Variants in STAU2 observed in about 807,000 individuals in gnomAD.
STAU2 encodes the protein staufen double-stranded RNA binding protein 2.
Under a neutral mutation model 65.9 loss-of-function variants are expected in STAU2, and 20 were observed. The observed-to-expected ratio is 0.30, with a 90% confidence interval of 0.21 to 0.44. The LOEUF (loss-of-function observed/expected upper bound fraction) is 0.44, where lower values mean the gene tolerates loss of function less well. Ranked by LOEUF, STAU2 falls within the 20% of genes least tolerant of loss-of-function variation. STAU2 has a pLI of 1.00. For missense variants in STAU2, 558 were observed against 683.9 expected, an observed-to-expected ratio of 0.82 and a Z score of 2.05; for synonymous variants, 232 against 233.9, an observed-to-expected ratio of 0.99 and a Z score of 0.07.
chr8:73,713,271 G>A (rs1467731523), intron 3 of STAU2, among the ~76,000 whole-genome samples: 1 of 152,180 alleles, frequency 6.6e-6, no homozygotes, highest in South Asian at 2.1e-4. Flanking sequence ...CTGGACTCTG[G>A]AATTTGAATC....
chr8:73,563,638 A>G (rs2128950621), intron 12 of STAU2, among the ~76,000 whole-genome samples: 1 of 152,286 alleles, frequency 6.6e-6, no homozygotes, highest in African/African-American at 2.4e-5. Context: ...TTACAACTGC[A>G]TGTGCATCTA....
intron 13 of STAU2, among the ~76,000 whole-genome samples, chr8:73,521,674 G>T (rs1823049831): frequency 6.6e-6 from 1 of 152,196 alleles, no homozygotes; most frequent in African/African-American, 2.4e-5. Context: ...CTCTTGAGAT[G>T]CTGGGTGGCA....
At chr8:73,698,819 T>TA (rs199825274) in intron 4 of STAU2, among the ~76,000 whole-genome samples, 1,560 of 151,448 alleles carry the variant, frequency 0.01, 25 homozygotes, top group African/African-American at 0.035. Context: ...AGTAGATATT[T>TA]ACACATTTCA....
intron 1 of STAU2, among the ~76,000 whole-genome samples, chr8:73,743,296 A>T (rs987812602): frequency 3.3e-5 from 5 of 151,238 alleles, no homozygotes; most frequent in Non-Finnish European, 5.9e-5. Flanking sequence ...CCATTTTTAC[A>T]TCAACTCATT....
intron 3 of STAU2, among the ~76,000 whole-genome samples, chr8:73,725,875 G>A (rs1207818595): frequency 2.0e-5 from 3 of 152,196 alleles, no homozygotes; most frequent in East Asian, 3.9e-4. Flanking sequence ...CGAGGCTGCA[G>A]TGAGCCATCA....
chr8:73,687,341 TATTTATAATTTATATAATATAAATATA>T (rs1298132001), intron 5 of STAU2, among the ~76,000 whole-genome samples: 11 of 89,408 alleles, frequency 1.2e-4, no homozygotes, highest in Admixed American at 6.5e-4. Flanking sequence ...ATATAATTTA[TATTTATAATTTATATAATATAAATATA>T]ATTTATAATT....
At chr8:73,543,436 A>C (rs552320280) in intron 13 of STAU2, among the ~76,000 whole-genome samples, 25 of 152,344 alleles carry the variant, frequency 1.6e-4, no homozygotes, top group African/African-American at 5.8e-4. Flanking sequence ...GTTGATTAAA[A>C]CACTTAAGTG....
At chr8:73,637,477 T>TAAAAAAAAAAAAAAAAAAAAAAAAA (rs60833468) in intron 6 of STAU2, among the ~76,000 whole-genome samples, 37 of 57,090 alleles carry the variant, frequency 6.5e-4, no homozygotes, top group Admixed American at 1.2e-3. Context: ...GTGCTGAAAG[T>TAAAAAAAAAAAAAAAAAAAAAAAAA]AAAAAAAAAA....
chr8:73,683,616 C>T (rs1017409792), intron 5 of STAU2, among the ~76,000 whole-genome samples: 3 of 151,960 alleles, frequency 2.0e-5, no homozygotes, highest in African/African-American at 7.3e-5. Context: ...CCGGAGCAAT[C>T]GACAAGAGAA....
intron 13 of STAU2, among the ~76,000 whole-genome samples, chr8:73,465,464 T>C (rs1819603266): frequency 6.6e-6 from 1 of 152,228 alleles, no homozygotes; most frequent in Non-Finnish European, 1.5e-5. Flanking sequence ...ATGCCTCACG[T>C]ATTACTGTAT....
Position 73,598,988 on chromosome 8 carries a change from T to C in STAU2, c.1030-3691A>G, listed in dbSNP as rs1330078415. Among the ~76,000 whole-genome samples the C allele has an allele frequency of 2.6e-5, 4 of 152,328 alleles. No homozygotes were observed. The East Asian group carries it at 5.8e-4, about 22-fold the overall frequency. On this transcript the variant is annotated intron_variant, in intron 10 of 14. Coordinates refer to ENST00000524300, the MANE Select transcript of STAU2 (RefSeq NM_001164380.2). ...TTGAGAAACTTTAAGAAAAACCTCA[T>C]AAACAGAGCAAAATGCCATGTTCAT... is the stretch of plus-strand genomic sequence containing the variant.
At chr8:73,642,297 G>A (rs1370207271) in intron 6 of STAU2, among the ~76,000 whole-genome samples, 1 of 152,102 alleles carries the variant, frequency 6.6e-6, no homozygotes, top group Non-Finnish European at 1.5e-5. Context: ...GGCCAAGGTG[G>A]GTGGATCATG....
intron 4 of STAU2, among the ~76,000 whole-genome samples, chr8:73,705,538 T>C (rs1004876103): frequency 2.0e-5 from 3 of 152,200 alleles, no homozygotes; most frequent in Non-Finnish European, 4.4e-5. Context: ...ATATTCTAAT[T>C]AAAACAGCCT....
chr8:73,624,183 CCAAA>C (rs1471755018), intron 6 of STAU2, among the ~76,000 whole-genome samples: 1 of 151,966 alleles, frequency 6.6e-6, no homozygotes, highest in East Asian at 1.9e-4. Flanking sequence ...TAGTCCCTAT[CCAAA>C]CAAAGGTAAA....
At chr8:73,500,843 A>G (rs1284632659) in intron 13 of STAU2, among the ~76,000 whole-genome samples, 2 of 151,964 alleles carry the variant, frequency 1.3e-5, no homozygotes, top group Non-Finnish European at 2.9e-5. Context: ...CCCTTAAAAT[A>G]TAAAGGAATT....
At chr8:73,663,199 C>T (rs1388758190) in intron 6 of STAU2, among the ~76,000 whole-genome samples, 1 of 152,120 alleles carries the variant, frequency 6.6e-6, no homozygotes, top group Non-Finnish European at 1.5e-5. Flanking sequence ...CAAGTATATA[C>T]AACACATAAG....
At chr8:73,438,323 G>GT (rs1442108392) in intron 13 of STAU2, among the ~76,000 whole-genome samples, 2 of 152,226 alleles carry the variant, frequency 1.3e-5, no homozygotes, top group African/African-American at 4.8e-5. Context: ...CAGGGAGACA[G>GT]GCAGGACAGC....
intron 5 of STAU2, among the ~76,000 whole-genome samples, chr8:73,678,555 C>T (rs772514933): frequency 3.8e-4 from 58 of 152,118 alleles, no homozygotes; most frequent in Non-Finnish European, 4.0e-4. Flanking sequence ...CTGTTATTGT[C>T]TACTTGGCAC....
chr8:73,570,944 G>C (rs1809033187), intron 12 of STAU2, among the ~76,000 whole-genome samples: 1 of 152,150 alleles, frequency 6.6e-6, no homozygotes, highest in Non-Finnish European at 1.5e-5. Context: ...TTAAAAGACA[G>C]ACTGGCAGTT....
Sources: allele counts gnomAD v4.1 joint callset (sites outside exome capture counted in the v4.1 genomes callset), GRCh38; gene constraint gnomAD v4.1.1; transcripts MANE v1.5; gene names NCBI Gene and HGNC (gene_info 2026-07-23, HGNC 2026-07-21).